The following BICC1 variants were observed in gnomAD, a reference collection of about 807,000 sequenced individuals.
BICC1 encodes the protein BicC family RNA binding protein 1.
A neutral mutation model predicts 111.0 loss-of-function variants in BICC1; 43 were observed. That is an observed-to-expected ratio of 0.39 (90% confidence interval 0.30 to 0.50). The LOEUF (loss-of-function observed/expected upper bound fraction) is 0.50. BICC1 is among the 20% of genes least tolerant of loss of function. The pLI, the probability that BICC1 is intolerant of heterozygous loss-of-function variation, is 0.88. For missense variants in BICC1, 1,091 were observed against 1,203.2 expected, an observed-to-expected ratio of 0.91 and a Z score of 1.38; for synonymous variants, 467 against 434.4, an observed-to-expected ratio of 1.07 and a Z score of -0.93.
At chr10:58,792,747 G>A (rs1843222220) in intron 8 of BICC1, among the ~76,000 whole-genome samples, 1 of 152,158 alleles carries the variant, frequency 6.6e-6, no homozygotes, top group Non-Finnish European at 1.5e-5. Flanking sequence ...ACATTATGGT[G>A]AGTTGTATAA....
At chr10:58,585,809 T>A (rs1225737764) in intron 1 of BICC1, among the ~76,000 whole-genome samples, 1 of 152,232 alleles carries the variant, frequency 6.6e-6, no homozygotes, top group East Asian at 1.9e-4. Context: ...TATATTGTAG[T>A]GTAGGTATTA....
At position 58,782,250 on chromosome 10, in the gene BICC1, A is replaced by T. The variant is rs139415936; in HGVS notation, c.308-2751A>T. ...AGGCTCCCTGTCCCTCTATGTATGC[A>T]TAGGAATTTTAATGCGATTATCCAA... On this transcript the variant is annotated intron_variant, in intron 3 of 20. Transcript: ENST00000373886. Among the ~76,000 whole-genome samples, 493 of 152,294 alleles carry T rather than the reference A, an allele frequency of 3.2e-3. 9 individuals are homozygous for T. The highest frequency in any genetic ancestry group is 0.011 in the African/African-American group (472 of 41,576).
chr10:58,754,302 G>A (rs1842076637), intron 3 of BICC1, among the ~76,000 whole-genome samples: 1 of 152,158 alleles, frequency 6.6e-6, no homozygotes, highest in South Asian at 2.1e-4. Flanking sequence ...TTGAGAGGAA[G>A]CACTTATTTT....
At chr10:58,676,089 G>A (rs144129680) in intron 2 of BICC1, among the ~76,000 whole-genome samples, 84 of 152,288 alleles carry the variant, frequency 5.5e-4, no homozygotes, top group African/African-American at 1.9e-3. Context: ...GGTGCTATCT[G>A]GCCCAGATAC....
At position 58,809,027 on chromosome 10, in the gene BICC1, A is replaced by T. The variant is rs143319929; in HGVS notation, c.2376+1869A>T. On this transcript the variant is annotated intron_variant, in intron 17 of 20. Transcript: ENST00000373886. ...GCCATGCCTGGCCTAGTGATATTTTAAAAAATTTTACTTTATTAAGAGTCT... is the reference window on the plus strand; with the variant it reads ...GCCATGCCTGGCCTAGTGATATTTTTAAAAATTTTACTTTATTAAGAGTCT... Among the ~76,000 whole-genome samples the T allele has an allele frequency of 8.4e-3, 1,258 of 150,062 alleles. 22 individuals are homozygous for T. The highest frequency in any genetic ancestry group is 0.028 in the African/African-American group (1,158 of 40,750).
intron 1 of BICC1, among the ~76,000 whole-genome samples, chr10:58,518,555 C>T (rs151126729): frequency 2.5e-3 from 256 of 103,524 alleles, no homozygotes; most frequent in African/African-American, 9.2e-3. Flanking sequence ...CTTTTTTCTT[C>T]TAATTGCATG....
intron 20 of BICC1, chr10:58,824,184 A>T: frequency 1.4e-6 from 1 of 739,500 alleles, no homozygotes; most frequent in Non-Finnish European, 1.7e-6. Context: ...GCCAGTGCTC[A>T]GGGCATTGAC....
At chr10:58,720,967 A>G (rs1406367972) in intron 3 of BICC1, among the ~76,000 whole-genome samples, 1 of 152,176 alleles carries the variant, frequency 6.6e-6, no homozygotes, top group African/African-American at 2.4e-5. Flanking sequence ...CACAGTGGAC[A>G]TCTCCCATGC....
intron 1 of BICC1, among the ~76,000 whole-genome samples, chr10:58,579,310 T>G (rs1160317087): frequency 4.6e-5 from 7 of 152,238 alleles, no homozygotes; most frequent in African/African-American, 9.6e-5. Context: ...TTTAACTTTA[T>G]TTTTGGGTTA....
chr10:58,603,903 AATAGGTAATTAAGTACGTAATAAGT>A (rs1317395166), intron 1 of BICC1, among the ~76,000 whole-genome samples: 1 of 152,360 alleles, frequency 6.6e-6, no homozygotes, highest in African/African-American at 2.4e-5. Flanking sequence ...TTTAATACTT[AATAGGTAATTAAGTACGTAATAAGT>A]ATTGCCAATA....
chr10:58,784,751 A>G (rs978618612), intron 3 of BICC1, among the ~76,000 whole-genome samples: 14 of 152,178 alleles, frequency 9.2e-5, no homozygotes, highest in Non-Finnish European at 1.0e-4. Context: ...TTGTAAAAAG[A>G]AATGTAAATT....
At position 58,620,884 on chromosome 10, in the gene BICC1, G is replaced by A; in HGVS notation, c.220G>A (p.Glu74Lys). Residue 74 changes from glutamate to lysine, a missense_variant, in exon 2 of 21, where the codon GAA becomes AAA. By Grantham distance (56) the Glu-to-Lys change is moderately conservative (BLOSUM62 1). Around this residue, in one of 3 missense-constraint regions of BICC1, gnomAD observed 843 missense variants for 900.8 expected, o/e 0.94. Coordinates refer to ENST00000373886, the MANE Select transcript of BICC1 (RefSeq NM_001080512.3). ...AAAEGKGRSG[E>K]DFFQKIMEET... ...TGCTGAAGGGAAAGGCAGAAGTGGG[G>A]AAGACTTTTTTCAAAAGGTAAGTTG... The A allele has an allele frequency of 1.2e-6, 2 of 1,613,494 alleles. No homozygotes were observed. The highest frequency in any genetic ancestry group is 1.7e-6 in the Non-Finnish European group (2 of 1,179,714).
chr10:58,605,399 G>T (rs1845178307), intron 1 of BICC1, among the ~76,000 whole-genome samples: 1 of 152,064 alleles, frequency 6.6e-6, no homozygotes, highest in African/African-American at 2.4e-5. Context: ...TTTAGCCATT[G>T]TCTGTTGTAT....
At chr10:58,825,801 GT>G (rs1237015803) in intron 20 of BICC1, among the ~76,000 whole-genome samples, 3 of 152,098 alleles carry the variant, frequency 2.0e-5, no homozygotes, top group Non-Finnish European at 4.4e-5. Context: ...TTTTCATTGT[GT>G]TTAGTACAAT....
chr10:58,576,152 A>G (rs181202822), intron 1 of BICC1, among the ~76,000 whole-genome samples: 69 of 152,296 alleles, frequency 4.5e-4, no homozygotes, highest in South Asian at 1.2e-3. Context: ...TGTGCCCTCC[A>G]TGGAGGTCAA....
chr10:58,515,672 G>T (rs543219065), intron 1 of BICC1, among the ~76,000 whole-genome samples: 2 of 152,252 alleles, frequency 1.3e-5, no homozygotes, highest in South Asian at 4.1e-4. Context: ...TAATACCTGG[G>T]TTCAAAACTC....
intron 1 of BICC1, among the ~76,000 whole-genome samples, chr10:58,612,364 G>A (rs751536044): frequency 2.0e-4 from 31 of 152,110 alleles, no homozygotes; most frequent in Non-Finnish European, 3.8e-4. Context: ...ACTTGAATTG[G>A]CTGGGTTGTC....
chr10:58,582,775 T>C (rs1564497382), intron 1 of BICC1, among the ~76,000 whole-genome samples: 3 of 152,182 alleles, frequency 2.0e-5, no homozygotes, highest in Admixed American at 1.3e-4. Flanking sequence ...GGCTCCTTCC[T>C]CCATTTTTAA....
chr10:58,814,659 T>A (rs1844028997), intron 18 of BICC1, among the ~76,000 whole-genome samples: 1 of 147,146 alleles, frequency 6.8e-6, no homozygotes, highest in Non-Finnish European at 1.5e-5. Context: ...GGTGTGGTGG[T>A]ATGCATGCGC....
Sources: allele counts gnomAD v4.1 joint callset (sites outside exome capture counted in the v4.1 genomes callset), GRCh38; gene constraint gnomAD v4.1.1; regional missense constraint gnomAD v4.1.1; transcripts MANE v1.5; gene names NCBI Gene and HGNC (gene_info 2026-07-23, HGNC 2026-07-21).